Variants in LEP observed in about 807,000 individuals in gnomAD.
LEP encodes the protein leptin (murine obesity homolog).
LEP carries 6 observed loss-of-function variants against 9.8 expected under a neutral mutation model. The observed-to-expected ratio is 0.61, with a 90% CI of 0.34 to 1.21. The LOEUF is 1.21. Ranked by LOEUF, LEP falls within the 50% of genes most tolerant of loss-of-function variation. LEP has a pLI of 0.04. For missense variants in LEP, 134 were observed against 198.1 expected (o/e 0.68, Z 1.94); for synonymous variants, 112 against 81.7 (o/e 1.37, Z -2.00).
intron 1 of LEP, among the ~76,000 whole-genome samples, chr7:128,243,886 G>A (rs1447896175): frequency 3.3e-5 from 5 of 152,126 alleles, no homozygotes; most frequent in South Asian, 4.1e-4. Flanking sequence ...AATTGATCAG[G>A]GCAACCTCTC....
intron 1 of LEP, among the ~76,000 whole-genome samples, chr7:128,244,708 C>G (rs1022322114): frequency 1.3e-5 from 2 of 152,174 alleles, no homozygotes; most frequent in African/African-American, 4.8e-5. Flanking sequence ...ACCCAGGAAC[C>G]ACAAAGAAGG....
chr7:128,251,526 C>T (rs1795274296), intron 1 of LEP, among the ~76,000 whole-genome samples: 1 of 152,198 alleles, frequency 6.6e-6, no homozygotes, highest in Admixed American at 6.5e-5. Context: ...TAAGCCCTTT[C>T]ACGTGCATCA....
At chr7:128,241,701 G>GC (rs1172007191) in intron 1 of LEP, among the ~76,000 whole-genome samples, 1 of 152,220 alleles carries the variant, frequency 6.6e-6, no homozygotes, top group Non-Finnish European at 1.5e-5. Context: ...AGACGCAGAT[G>GC]CAAGTGATCA....
rs202169453 is a variant in LEP, at chr7:128,254,556, C to T, written c.297C>T (p.Asn99=). 2.2e-5 allele frequency: 35 copies of T among 1,614,038 alleles called. No homozygotes were observed. Among genetic ancestry groups the T allele is most frequent in the African/African-American group, 1.7e-4 (13 of 74,926 alleles). Residue 99 remains asparagine (N), a synonymous_variant, in exon 3 of 3, where the codon AAC becomes AAT. Coordinates refer to ENST00000308868, the MANE Select transcript of LEP (RefSeq NM_000230.3). The stretch of plus-strand genomic sequence containing the variant: ...CCAGAAACGTGATCCAAATATCCAA[C>T]GACCTGGAGAACCTCCGGGATCTTC... ...MPSRNVIQIS[N]DLENLRDLLH...
chr7:128,254,337 G>A, intron 2 of LEP, 67 bp from the exon 3 acceptor site: 1 of 1,595,750 alleles, frequency 6.3e-7, no homozygotes, highest in Non-Finnish European at 8.5e-7. Context: ...CACGGGGAAG[G>A]CAGAGGGCTC....
intron 1 of LEP, among the ~76,000 whole-genome samples, chr7:128,243,648 T>C (rs944275830): frequency 1.3e-5 from 2 of 152,164 alleles, no homozygotes; most frequent in African/African-American, 4.8e-5. Context: ...TTTCTGTCTT[T>C]ATTAAGACAA....
At chr7:128,246,753 C>A (rs1202843995) in intron 1 of LEP, among the ~76,000 whole-genome samples, 3 of 152,154 alleles carry the variant, frequency 2.0e-5, no homozygotes, top group Non-Finnish European at 1.5e-5. Context: ...TGAGCCACCA[C>A]ACCCAGCCAC....
chr7:128,243,266 G>C (rs1178879651), intron 1 of LEP, among the ~76,000 whole-genome samples: 1 of 152,194 alleles, frequency 6.6e-6, no homozygotes, highest in Non-Finnish European at 1.5e-5. Context: ...CTATGGAATG[G>C]AATTTATAAT....
intron 2 of LEP, 93 bp downstream of exon 2, chr7:128,252,255 T>C (rs1795283966): frequency 1.4e-6 from 2 of 1,392,916 alleles, no homozygotes; most frequent in Admixed American, 1.7e-5. Context: ...GAAACATTTA[T>C]TGAACGCCTC....
chr7:128,247,441 T>C (rs1017871176), intron 1 of LEP, among the ~76,000 whole-genome samples: 5 of 152,190 alleles, frequency 3.3e-5, no homozygotes, highest in Non-Finnish European at 7.3e-5. Flanking sequence ...TGAAAACATT[T>C]GCTCCTCAGG....
intron 2 of LEP, among the ~76,000 whole-genome samples, chr7:128,253,745 A>T (rs1795302098): frequency 6.6e-6 from 1 of 151,916 alleles, no homozygotes; most frequent in Admixed American, 6.5e-5. Context: ...AAAAATAATA[A>T]AAAAAAATTA....
chr7:128,249,872 C>A (rs1795254238), intron 1 of LEP, among the ~76,000 whole-genome samples: 2 of 152,208 alleles, frequency 1.3e-5, no homozygotes, highest in Non-Finnish European at 2.9e-5. Flanking sequence ...GGCAGCCTTA[C>A]TCAGCGGCAG....
chr7:128,247,494 C>G (rs1337257136), intron 1 of LEP, among the ~76,000 whole-genome samples: 2 of 152,214 alleles, frequency 1.3e-5, no homozygotes, highest in African/African-American at 2.4e-5. Context: ...GTGCTCACTG[C>G]CCCTGCGATT....
chr7:128,254,091 C>G (rs1375420806), intron 2 of LEP, among the ~76,000 whole-genome samples: 1 of 152,162 alleles, frequency 6.6e-6, no homozygotes, highest in Admixed American at 6.5e-5. Context: ...GGGGAACAGA[C>G]TCCACTAAAT....
intron 2 of LEP, 126 bp downstream of exon 2, chr7:128,252,288 A>G (rs1795284935): frequency 9.4e-7 from 1 of 1,064,888 alleles, no homozygotes; most frequent in Non-Finnish European, 1.4e-6. Context: ...CACCTACTGG[A>G]AGCTGAGAAG....
At chr7:128,246,740 G>A (rs574894662) in intron 1 of LEP, among the ~76,000 whole-genome samples, 6 of 152,228 alleles carry the variant, frequency 3.9e-5, no homozygotes, top group African/African-American at 1.4e-4. Flanking sequence ...TGGGATTATA[G>A]GCTGAGCCAC....
At chr7:128,249,559 C>T (rs576032290) in intron 1 of LEP, among the ~76,000 whole-genome samples, 48 of 152,338 alleles carry the variant, frequency 3.2e-4, no homozygotes, top group African/African-American at 1.1e-3. Context: ...ATGGTCACAC[C>T]TAGTTGGGAG....
chr7:128,254,652 G>T lies in LEP; in HGVS notation c.393G>T (p.Leu131=). The part of the protein sequence containing the change: ...WASGLETLDS[L]GGVLEASGYS... ...GTGGCCTGGAGACCTTGGACAGCCT[G>T]GGGGGTGTCCTGGAAGCTTCAGGCT... Residue 131 remains leucine, a synonymous_variant, in exon 3 of 3, where the codon CTG becomes CTT. Coordinates refer to ENST00000308868, the MANE Select transcript of LEP (RefSeq NM_000230.3). 1 of 1,613,870 alleles carries T rather than the reference G, an allele frequency of 6.2e-7. No homozygotes were observed. Among genetic ancestry groups the T allele is most frequent in the South Asian group, 1.1e-5 (1 of 91,054 alleles).
At chr7:128,248,664 C>A (rs982442614) in intron 1 of LEP, among the ~76,000 whole-genome samples, 30 of 152,150 alleles carry the variant, frequency 2.0e-4, no homozygotes, top group African/African-American at 7.2e-4. Context: ...ATTCTCAAAC[C>A]AGTTGCTTAA....
Sources: gnomAD v4.1 joint callset for allele counts (sites outside exome capture counted in the v4.1 genomes callset) on GRCh38, gnomAD v4.1.1 for gene constraint, MANE v1.5 for transcripts, NCBI Gene and HGNC (gene_info 2026-07-23, HGNC 2026-07-21) for gene names.